The following CRTAM variants were observed in gnomAD, a reference collection of about 807,000 sequenced individuals.
The protein encoded by CRTAM is cytotoxic and regulatory T cell molecule, also known as cytotoxic and regulatory T-cell molecule.
CRTAM carries 44 observed loss-of-function variants against 50.0 expected under a neutral mutation model. That is an observed-to-expected ratio of 0.88 (90% CI 0.69 to 1.13). The LOEUF (loss-of-function observed/expected upper bound fraction) is 1.13, where lower values mean the gene tolerates loss of function less well. CRTAM is among the 50% of genes most tolerant of loss of function. The pLI is 0.00. For synonymous variants in CRTAM, 159 were observed against 169.3 expected, an observed-to-expected ratio of 0.94 and a Z score of 0.47; for missense variants, 448 against 457.5, an observed-to-expected ratio of 0.98 and a Z score of 0.19.
chr11:122,855,881 G>C, intron 5 of CRTAM, 25 bp downstream of exon 5: 1 of 1,594,486 alleles, frequency 6.3e-7, no homozygotes, highest in Non-Finnish European at 8.6e-7. Context: ...TGATTCTCTT[G>C]AATAATTTTT....
Position 122,851,832 on chromosome 11 carries a change from A to G in CRTAM, c.333A>G (p.Lys111=). The G allele has an allele frequency of 6.2e-7, 1 of 1,614,172 alleles. No individual in the cohort carries two copies. The highest frequency in any genetic ancestry group is 8.5e-7 in the Non-Finnish European group (1 of 1,180,010). ...ACTCTGTAAGCACAAAGGAAGTGAA[A>G]GTGATTGTGCTGGGTAGGTACCTGC... ...YSDSVSTKEV[K]VIVLATPFKP... The change falls in exon 3 of 10, where the codon AAA becomes AAG. Residue 111 remains lysine, a synonymous_variant. Coordinates refer to ENST00000227348, the MANE Select transcript of CRTAM (RefSeq NM_019604.4).
At chr11:122,866,579 T>C (rs189407225) in intron 7 of CRTAM, among the ~76,000 whole-genome samples, 7 of 151,248 alleles carry the variant, frequency 4.6e-5, no homozygotes, top group African/African-American at 1.7e-4. Flanking sequence ...CTACAGCCCA[T>C]AGAATCAGAA....
intron 1 of CRTAM, among the ~76,000 whole-genome samples, chr11:122,845,967 G>A (rs968693239): frequency 5.3e-5 from 8 of 152,014 alleles, no homozygotes; most frequent in African/African-American, 1.9e-4. Flanking sequence ...TAGGATTACA[G>A]GTGTGAGCCA....
chr11:122,871,452 T>C lies in CRTAM; in HGVS notation c.*53T>C. ...CAGGGTTGCCGCAGTGTCACCTCAG[T>C]GGACCAGCCTGGGGGAAGGAGCTTA... On this transcript the variant is annotated 3_prime_UTR_variant, in exon 10 of 10. Coordinates refer to ENST00000227348, the MANE Select transcript of CRTAM (RefSeq NM_019604.4). 3 of 1,535,116 alleles carry C rather than the reference T, an allele frequency of 2.0e-6. No individual in the cohort carries two copies. Among genetic ancestry groups the C allele is most frequent in the Non-Finnish European group, 2.7e-6 (3 of 1,126,562 alleles).
At chr11:122,842,549 G>A (rs773298664) in intron 1 of CRTAM, among the ~76,000 whole-genome samples, 4 of 152,172 alleles carry the variant, frequency 2.6e-5, no homozygotes, top group Non-Finnish European at 5.9e-5. Flanking sequence ...AAAGTGCTGG[G>A]ATTACAGGCG....
chr11:122,844,083 T>A (rs1861831944), intron 1 of CRTAM, among the ~76,000 whole-genome samples: 1 of 152,204 alleles, frequency 6.6e-6, no homozygotes, highest in African/African-American at 2.4e-5. Context: ...CATATGAAAC[T>A]CAGGCCTCTA....
intron 1 of CRTAM, among the ~76,000 whole-genome samples, chr11:122,845,424 G>T (rs565240853): frequency 3.3e-5 from 5 of 152,024 alleles, no homozygotes; most frequent in Non-Finnish European, 7.4e-5. Context: ...GAAAGAGAGG[G>T]AAGGCAGGGC....
chr11:122,838,950 A>G (rs1009754920), intron 1 of CRTAM, among the ~76,000 whole-genome samples: 1 of 149,310 alleles, frequency 6.7e-6, no homozygotes, highest in East Asian at 2.0e-4. Flanking sequence ...TATTTATGAG[A>G]CACAGTCTCG....
Position 122,862,446 on chromosome 11 carries a change from GT to G in CRTAM, c.653-13del, listed in dbSNP as rs781234454. 1 of 1,566,686 alleles carries G rather than the reference GT, an allele frequency of 6.4e-7. No homozygotes were observed. The highest frequency in any genetic ancestry group is 8.8e-7 in the Non-Finnish European group (1 of 1,136,690). ...CTGCTCTCTATAGTAGCAGAATTTTGTTTTTCCCCTTTCCTAGTTACTGATG... is the reference window on the plus strand; with the variant it reads ...CTGCTCTCTATAGTAGCAGAATTTTGTTTTCCCCTTTCCTAGTTACTGATG... On this transcript the variant is annotated splice_polypyrimidine_tract_variant and intron_variant, in intron 5 of 9. Coordinates refer to ENST00000227348, the MANE Select transcript of CRTAM (RefSeq NM_019604.4).
chr11:122,858,253 C>T (rs1441464113), intron 5 of CRTAM, among the ~76,000 whole-genome samples: 1 of 152,036 alleles, frequency 6.6e-6, no homozygotes, highest in African/African-American at 2.4e-5. Flanking sequence ...TTGAGACGGT[C>T]TCACTCTGTT....
intron 9 of CRTAM, among the ~76,000 whole-genome samples, 176 bp from the exon 10 acceptor site, chr11:122,871,093 A>G (rs751887040): frequency 6.6e-6 from 1 of 152,164 alleles, no homozygotes; most frequent in Non-Finnish European, 1.5e-5. Flanking sequence ...AAAAACCACG[A>G]AAAACAAAAA....
chr11:122,838,889 C>T (rs1049411824), intron 1 of CRTAM, among the ~76,000 whole-genome samples: 39 of 151,964 alleles, frequency 2.6e-4, no homozygotes, highest in African/African-American at 8.7e-4. Flanking sequence ...TAAGGGCATA[C>T]CAGTTGAAAG....
chr11:122,861,659 T>C (rs1862084664), intron 5 of CRTAM, among the ~76,000 whole-genome samples: 1 of 151,822 alleles, frequency 6.6e-6, no homozygotes, highest in African/African-American at 2.4e-5. Context: ...CAGGCTGGTC[T>C]TGAACTCCTG....
intron 5 of CRTAM, chr11:122,862,216 C>A: frequency 1.9e-6 from 1 of 517,102 alleles, no homozygotes; most frequent in Non-Finnish European, 3.4e-6. Flanking sequence ...ATACTCTTTG[C>A]CTACCACTGC....
chr11:122,870,040 G>T (rs1347061174), intron 9 of CRTAM, among the ~76,000 whole-genome samples: 1 of 152,046 alleles, frequency 6.6e-6, no homozygotes, highest in Non-Finnish European at 1.5e-5. Context: ...CTGTTAGCTG[G>T]AAAAATGGAA....
chr11:122,870,036 G>C (rs1007039515), intron 9 of CRTAM, among the ~76,000 whole-genome samples: 1 of 152,074 alleles, frequency 6.6e-6, no homozygotes, highest in African/African-American at 2.4e-5. Context: ...ATGTCTGTTA[G>C]CTGGAAAAAT....
rs199730117 is a variant in CRTAM at position 122,855,768 on chromosome 11, T to C, written c.564T>C (p.Tyr188=). 554 of 1,614,000 alleles carry C rather than the reference T, an allele frequency of 3.4e-4. 4 individuals carry two copies. The South Asian group carries it at 4.4e-3, about 13-fold the overall frequency. The change falls in exon 5 of 10, where the codon TAT becomes TAC. Residue 188 remains tyrosine (Y), a synonymous_variant. Coordinates refer to ENST00000227348, the MANE Select transcript of CRTAM (RefSeq NM_019604.4). ...NTTSTLIIHT[Y]GKNSTVDCII... is the part of the protein sequence containing the mutation. ...CCAGCACTCTCATAATCCACACTTA[T>C]GGCAAAAATTCAACGGTGGACTGCA...
At chr11:122,861,298 A>G (rs1488514092) in intron 5 of CRTAM, among the ~76,000 whole-genome samples, 3 of 149,596 alleles carry the variant, frequency 2.0e-5, no homozygotes, top group African/African-American at 7.3e-5. Flanking sequence ...AATAAACACC[A>G]AGAAGCACTC....
rs1862253320 is a variant in CRTAM, at chr11:122,871,480, T to G, written c.*81T>G. 8.1e-7 allele frequency: 1 copy of G among 1,240,592 alleles called. No homozygotes were observed. Among genetic ancestry groups the G allele is most frequent in the Non-Finnish European group, 1.1e-6 (1 of 888,628 alleles). 76.8% of individuals were successfully genotyped at this position (1,240,592 alleles called of 1,614,324 possible). ...ACCAGCCTGGGGGAAGGAGCTTAAT[T>G]GCTGAGACATTAATAATGACCTCTT... On this transcript the variant is annotated 3_prime_UTR_variant, in exon 10 of 10. Coordinates refer to ENST00000227348, the MANE Select transcript of CRTAM (RefSeq NM_019604.4).
Sources: allele counts gnomAD v4.1 joint callset (sites outside exome capture counted in the v4.1 genomes callset), GRCh38; gene constraint gnomAD v4.1.1; transcripts MANE v1.5; gene names NCBI Gene and HGNC (gene_info 2026-07-23, HGNC 2026-07-21).